The following PTPN21 variants were observed in gnomAD, a reference collection of about 807,000 sequenced individuals.
PTPN21 encodes tyrosine-protein phosphatase non-receptor type 21.
In PTPN21, 77 loss-of-function variants were observed where a neutral mutation model predicts 131.8. That is an observed-to-expected ratio of 0.58 (90% CI 0.49 to 0.71). The LOEUF (loss-of-function observed/expected upper bound fraction) is 0.71. Among genes scored for constraint, PTPN21 ranks in the 30% least tolerant of loss-of-function variants. PTPN21 has a pLI of 0.00. For synonymous variants in PTPN21, 715 were observed against 621.3 expected, an observed-to-expected ratio of 1.15 and a Z score of -2.24; for missense variants, 1,552 against 1,527.1, an observed-to-expected ratio of 1.02 and a Z score of -0.27.
intron 2 of PTPN21, among the ~76,000 whole-genome samples, chr14:88,518,176 GTTC>G (rs956289539): frequency 2.0e-5 from 2 of 99,098 alleles, no homozygotes; most frequent in Non-Finnish European, 3.7e-5. Context: ...TTTTGCTGTT[GTTC>G]TTCTGGGCAA....
intron 1 of PTPN21, 136 bp from the exon 2 acceptor site, chr14:88,550,755 A>C: frequency 4.3e-6 from 1 of 231,116 alleles, no homozygotes; most frequent in Non-Finnish European, 8.6e-6. Flanking sequence ...AGGACCCGGA[A>C]GGCAGGGTGG....
intron 15 of PTPN21, 168 bp from the exon 16 acceptor site, chr14:88,470,218 T>A (rs774107195): frequency 1.6e-6 from 1 of 644,764 alleles, no homozygotes; most frequent in Non-Finnish European, 2.6e-6. Flanking sequence ...ATCTTTTCCC[T>A]TGTGAATACA....
chr14:88,526,681 TG>T (rs1176868890), intron 2 of PTPN21, among the ~76,000 whole-genome samples: 1 of 152,062 alleles, frequency 6.6e-6, no homozygotes, highest in Non-Finnish European at 1.5e-5. Flanking sequence ...CAATAATTTT[TG>T]GGGAACAGGT....
At chr14:88,508,792 A>C (rs759062072) in intron 3 of PTPN21, among the ~76,000 whole-genome samples, 1 of 152,208 alleles carries the variant, frequency 6.6e-6, no homozygotes, top group Non-Finnish European at 1.5e-5. Flanking sequence ...TGATATTAAA[A>C]TGTTTCTGAT....
At chr14:88,544,347 C>T (rs1400337439) in intron 2 of PTPN21, among the ~76,000 whole-genome samples, 1 of 150,814 alleles carries the variant, frequency 6.6e-6, no homozygotes. Flanking sequence ...CTCCATCTCA[C>T]CAAAAAAAAA....
intron 10 of PTPN21, among the ~76,000 whole-genome samples, chr14:88,486,496 T>C (rs999065095): frequency 1.3e-5 from 2 of 152,028 alleles, no homozygotes; most frequent in South Asian, 2.1e-4. Flanking sequence ...CTAGACAACA[T>C]AGTGAGACCC....
At chr14:88,521,793 A>T (rs560988800) in intron 2 of PTPN21, among the ~76,000 whole-genome samples, 1 of 152,122 alleles carries the variant, frequency 6.6e-6, no homozygotes, top group Non-Finnish European at 1.5e-5. Flanking sequence ...ATACAGTTGG[A>T]CTGTAGACTG....
chr14:88,513,116 G>A (rs867707399), intron 3 of PTPN21, among the ~76,000 whole-genome samples: 11 of 152,108 alleles, frequency 7.2e-5, no homozygotes, highest in Non-Finnish European at 1.5e-4. Flanking sequence ...ATGAATTCAT[G>A]AATTTTAAGA....
At chr14:88,537,564 C>T (rs747942361) in intron 2 of PTPN21, among the ~76,000 whole-genome samples, 13 of 152,060 alleles carry the variant, frequency 8.5e-5, no homozygotes, top group Non-Finnish European at 1.6e-4. Flanking sequence ...CCTGCCCTCA[C>T]GTAACTTAAT....
In PTPN21 at chr14:88,500,832, C is replaced by G; in HGVS notation, c.715G>C (p.Glu239Gln). Residue 239 changes from glutamate (E) to glutamine (Q), a missense_variant, in exon 8 of 19, where the codon GAA (glutamate) becomes CAA (glutamine). By Grantham distance (29) the Glu-to-Gln change is conservative. Transcript: ENST00000556564. ...GSDISIGACL[E>Q]GIFVKHKNGR... ...TTCTTGTGTTTCACAAAGATACCTT[C>G]AAGACACGCTCCAATGGATATGTCA... 1 of 1,613,952 alleles carries G rather than the reference C, an allele frequency of 6.2e-7. No individual in the cohort carries two copies. The highest frequency in any genetic ancestry group is 8.5e-7 in the Non-Finnish European group (1 of 1,179,870).
intron 6 of PTPN21, among the ~76,000 whole-genome samples, chr14:88,503,679 G>C (rs564717180): frequency 6.6e-6 from 1 of 152,230 alleles, no homozygotes; most frequent in East Asian, 1.9e-4. Flanking sequence ...GAACACGTAG[G>C]GTAGGTTAGG....
Position 88,479,699 on chromosome 14 carries a change from T to A in PTPN21, c.1732A>T (p.Thr578Ser), listed in dbSNP as rs2077611677. 1 of 1,220,172 alleles carries A rather than the reference T, an allele frequency of 8.2e-7. No individual in the cohort carries two copies. The highest frequency in any genetic ancestry group is 1.8e-5 in the African/African-American group (1 of 57,082). 75.6% of individuals were successfully genotyped at this position (1,220,172 alleles called of 1,614,324 possible). A position where few individuals can be genotyped will look rare whatever the true frequency, so the allele number is the denominator to read the frequency against. The change falls in exon 13 of 19, where the codon ACG becomes TCG. Residue 578 changes from threonine to serine, a missense_variant. By Grantham distance (58) the Thr-to-Ser change is moderately conservative (BLOSUM62 1). This residue lies in a region of PTPN21 where 1,016 missense variants were observed against 883.5 expected (regional missense o/e 1.15). Transcript: ENST00000556564. ...TAAAGGTGGCGGGACAGGTCTGGCG[T>A]GCTGTTGGCGGGCCTGGGGGGCGGG... ...PYPPPRPANS[T>S]PDLSRHLYIS...
chr14:88,540,240 A>G (rs1172771367), intron 2 of PTPN21, among the ~76,000 whole-genome samples: 1 of 152,212 alleles, frequency 6.6e-6, no homozygotes, highest in Non-Finnish European at 1.5e-5. Context: ...CCAGTTAATG[A>G]GTGTCCTATG....
At chr14:88,489,443 C>T (rs867052213) in intron 10 of PTPN21, among the ~76,000 whole-genome samples, 1 of 151,942 alleles carries the variant, frequency 6.6e-6, no homozygotes, top group African/African-American at 2.4e-5. Context: ...GGTTTAAGAC[C>T]AGCCTGGGCA....
At chr14:88,483,442 T>C (rs8017689) in intron 12 of PTPN21, among the ~76,000 whole-genome samples, 56,657 of 151,558 alleles carry the variant, frequency 0.37, 11,148 homozygotes, top group African/African-American at 0.5. Context: ...AAGAACATGG[T>C]GAGGGGGATG....
At position 88,503,138 on chromosome 14, in the gene PTPN21, C is replaced by T. The variant is rs141588478; in HGVS notation, c.587+1287G>A. On this transcript the variant is annotated intron_variant, in intron 6 of 18. Coordinates refer to ENST00000556564, the MANE Select transcript of PTPN21 (RefSeq NM_007039.4). ...GCAACCTCCACCTCCCAGGTTCAAG[C>T]GAATCCCCTGCCTCAGCCTTCTGAG... Among the ~76,000 whole-genome samples the T allele has an allele frequency of 2.6e-3, 394 of 151,660 alleles. 14 individuals are homozygous for T. The East Asian group carries it at 0.056, about 22-fold the overall frequency.
intron 10 of PTPN21, among the ~76,000 whole-genome samples, chr14:88,494,716 A>G (rs2077877994): frequency 6.6e-6 from 1 of 151,912 alleles, no homozygotes; most frequent in South Asian, 2.1e-4. Flanking sequence ...AGGGTTAAGA[A>G]GAGTGAAAGG....
rs776203162 is a variant in PTPN21 at position 88,479,174 on chromosome 14, C to T, written c.2257G>A (p.Gly753Arg). 2 of 1,553,716 alleles carry T rather than the reference C, an allele frequency of 1.3e-6. No individual in the cohort carries two copies. The highest frequency in any genetic ancestry group is 1.7e-6 in the Non-Finnish European group (2 of 1,153,546). The change falls in exon 13 of 19, where the codon GGG becomes AGG. Residue 753 changes from glycine to arginine, a missense_variant. Physicochemically the swap from Gly to Arg is moderately radical, Grantham distance 125. This residue lies in a region of PTPN21 where 1,016 missense variants were observed against 883.5 expected (regional missense o/e 1.15). Transcript: ENST00000556564. ...PPGCPRVLLA[G>R]PLHILEPKAH... ...TTGGGCTCCAGGATGTGCAGGGGCC[C>T]GGCGAGCAGGACGCGAGGGCAGCCA...
chr14:88,472,315 C>CAT lies in PTPN21; in HGVS notation c.2798_2799dup (p.Asp934MetfsTer4). 1 of 1,613,904 alleles carries CAT rather than the reference C, an allele frequency of 6.2e-7. No individual in the cohort carries two copies. Among genetic ancestry groups the CAT allele is most frequent in the Non-Finnish European group, 8.5e-7 (1 of 1,179,830 alleles). ...GGGACCAACTCCACTCTCACATCAT[C>CAT]ATAAGGAAGAACATCTTGGAATCGA... On this transcript the variant is annotated frameshift_variant, in exon 15 of 19. Coordinates refer to ENST00000556564, the MANE Select transcript of PTPN21 (RefSeq NM_007039.4). LOFTEE classifies it high-confidence loss of function.
Sources: gnomAD v4.1 joint callset for allele counts (sites outside exome capture counted in the v4.1 genomes callset) on GRCh38, gnomAD v4.1.1 for gene constraint, gnomAD v4.1.1 regional missense constraint, MANE v1.5 for transcripts, NCBI Gene and HGNC (gene_info 2026-07-23, HGNC 2026-07-21) for gene names.